The following PSPC1 variants were observed in gnomAD, a reference collection of about 807,000 sequenced individuals.
PSPC1 encodes paraspeckle component 1, also known as paraspeckle protein 1.
PSPC1 carries 14 observed loss-of-function variants against 51.6 expected under a neutral mutation model. That is an observed-to-expected ratio of 0.27 (90% CI 0.18 to 0.42). The LOEUF (loss-of-function observed/expected upper bound fraction) is 0.42, where lower values mean the gene tolerates loss of function less well. Ranked by LOEUF, PSPC1 falls within the 10% of genes least tolerant of loss-of-function variation. PSPC1 has a pLI of 1.00. For missense variants in PSPC1, 406 were observed against 701.1 expected (o/e 0.58, Z 4.75); for synonymous variants, 193 against 231.9 (o/e 0.83, Z 1.53).
intron 5 of PSPC1, among the ~76,000 whole-genome samples, chr13:19,733,696 G>GA (rs1236809037): frequency 6.6e-5 from 10 of 151,890 alleles, no homozygotes; most frequent in African/African-American, 2.4e-4. Context: ...CTGGGAGGCG[G>GA]AGGTTGCAGT....
At chr13:19,774,608 T>TC (rs1419466579) in intron 1 of PSPC1, among the ~76,000 whole-genome samples, 1 of 151,474 alleles carries the variant, frequency 6.6e-6, no homozygotes, top group Admixed American at 6.6e-5. Flanking sequence ...AAGACCGGCC[T>TC]CCTGGCCAAC....
At chr13:19,750,209 C>G (rs1484206019) in intron 4 of PSPC1, among the ~76,000 whole-genome samples, 1 of 152,118 alleles carries the variant, frequency 6.6e-6, no homozygotes, top group African/African-American at 2.4e-5. Context: ...AGGAATGCTA[C>G]TGCAGAAATT....
chr13:19,672,825 C>T (rs1028922584), downstream of PSPC1: 1 of 296,160 alleles, frequency 3.4e-6, no homozygotes, highest in Non-Finnish European at 6.7e-6. Flanking sequence ...TTTAGCAGAG[C>T]GTGGTGGCTC....
chr13:19,733,457 A>G (rs1196119173), intron 5 of PSPC1, among the ~76,000 whole-genome samples: 1 of 152,064 alleles, frequency 6.6e-6, no homozygotes, highest in African/African-American at 2.4e-5. Flanking sequence ...TCTCTCCACG[A>G]AAAATAGAAA....
At chr13:19,721,319 G>A (rs1039150747) in intron 6 of PSPC1, among the ~76,000 whole-genome samples, 13 of 152,062 alleles carry the variant, frequency 8.5e-5, no homozygotes, top group Non-Finnish European at 1.6e-4. Context: ...ACTAGACAAT[G>A]CACAAGATAT....
At chr13:19,750,941 G>A (rs555809675) in intron 4 of PSPC1, among the ~76,000 whole-genome samples, 246 of 152,024 alleles carry the variant, frequency 1.6e-3, no homozygotes, top group African/African-American at 5.5e-3. Flanking sequence ...GGCTAATTTT[G>A]TATTTTTAGT....
rs1886527962 is a variant in PSPC1, at chr13:19,751,277, T to G, written c.961A>C (p.Arg321=). The change falls in exon 4 of 9, where the codon AGG becomes CGG. Residue 321 remains arginine (R), a synonymous_variant. Coordinates refer to ENST00000338910, the MANE Select transcript of PSPC1 (RefSeq NM_001354909.2). Reference sequence around the variant, plus strand: ...CATGAAAATCCATATTTACCTTGCCTCATTAGCATTAATTGGTGTTCATGC... The same window carrying G: ...CATGAAAATCCATATTTACCTTGCCGCATTAGCATTAATTGGTGTTCATGC... The part of the protein sequence containing the change: ...ARHEHQLMLM[R]QDLMRRQEEL... 6.5e-7 allele frequency: 1 copy of G among 1,535,560 alleles called. No homozygotes were observed. The highest frequency in any genetic ancestry group is 8.7e-7 in the Non-Finnish European group (1 of 1,147,220).
At chr13:19,776,449 T>C (rs909125028) in intron 1 of PSPC1, among the ~76,000 whole-genome samples, 1 of 152,050 alleles carries the variant, frequency 6.6e-6, no homozygotes, top group African/African-American at 2.4e-5. Flanking sequence ...CTGGGCACTC[T>C]GTCTCAAGAG....
rs1197662619 is a variant in PSPC1 at position 19,782,235 on chromosome 13, C to CA, written c.372+150dup. 1 of 1,242,948 alleles carries CA rather than the reference C, an allele frequency of 8.0e-7. No homozygotes were observed. The highest frequency in any genetic ancestry group is 1.1e-6 in the Non-Finnish European group (1 of 949,008). The allele number at this position is 1,242,948 out of a possible 1,614,324, so 77.0% of individuals were successfully genotyped here. On this transcript the variant is annotated intron_variant, in intron 1 of 8. Transcript: ENST00000338910. This position sits in a 1 kb window ranked among gnomAD's most constrained non-coding sequence, Gnocchi z 4.5. Reference sequence around the variant, plus strand: ...AAAGGCGCCGAGCTGGGGAAGCGGCCAACCCCGCACAGAGGAATCGATGAG... The same window carrying CA: ...AAAGGCGCCGAGCTGGGGAAGCGGCCAAACCCCGCACAGAGGAATCGATGAG...
chr13:19,769,666 C>G (rs1001752124), intron 2 of PSPC1, among the ~76,000 whole-genome samples: 27 of 152,106 alleles, frequency 1.8e-4, no homozygotes, highest in Admixed American at 3.3e-4. Flanking sequence ...ACCCGGGAGG[C>G]AGACGTTGCA....
rs763745025 is a variant in PSPC1 at position 19,751,354 on chromosome 13, C to G, written c.884G>C (p.Arg295Thr). The change falls in exon 4 of 9, where the codon AGA becomes ACA. Residue 295 changes from arginine to threonine, a missense_variant. Around this residue, in one of 5 missense-constraint regions of PSPC1, gnomAD observed 180 missense variants for 337.9 expected, o/e 0.53. Transcript: ENST00000338910. ...TTTCTCTTTGGCTTCTCTGATGTTTCTATCAACCTGCTCACGCTGCTGCTT... is the reference window on the plus strand; with the variant it reads ...TTTCTCTTTGGCTTCTCTGATGTTTGTATCAACCTGCTCACGCTGCTGCTT... ...MEKQQREQVD[R>T]NIREAKEKLE... 2.5e-6 allele frequency: 4 copies of G among 1,590,202 alleles called. No homozygotes were observed. In the South Asian group the frequency reaches 3.5e-5, roughly 14 times the overall value.
intron 1 of PSPC1, among the ~76,000 whole-genome samples, chr13:19,780,819 T>G (rs1023860768): frequency 6.6e-6 from 1 of 151,908 alleles, no homozygotes; most frequent in South Asian, 2.1e-4. Flanking sequence ...AAAAAATAAA[T>G]TAAAAAGATT....
At chr13:19,703,916 G>A (rs1228745449) in intron 8 of PSPC1, among the ~76,000 whole-genome samples, 2 of 152,032 alleles carry the variant, frequency 1.3e-5, no homozygotes, top group Non-Finnish European at 2.9e-5. Context: ...GATTATCATG[G>A]GAAAATAGTT....
intron 6 of PSPC1, among the ~76,000 whole-genome samples, chr13:19,682,247 A>G (rs917413456): frequency 2.0e-5 from 3 of 152,224 alleles, no homozygotes; most frequent in African/African-American, 7.2e-5. Context: ...ATATTTTGTA[A>G]GAAGCAAAAA....
chr13:19,772,371 A>G lies in PSPC1; in HGVS notation c.545T>C (p.Val182Ala). ...LEQAFSQFGP[V>A]EKAVVVVDDR... ...ATCCACAACCACAACAGCTTTCTCTACTGGACCAAACTGAGAAAATGCTTG... is the reference window on the plus strand; with the variant it reads ...ATCCACAACCACAACAGCTTTCTCTGCTGGACCAAACTGAGAAAATGCTTG... The change falls in exon 2 of 9, where the codon GTA becomes GCA. Residue 182 changes from valine (V) to alanine (A), a missense_variant. By Grantham distance (64) the Val-to-Ala change is moderately conservative. Around this residue, in one of 5 missense-constraint regions of PSPC1, gnomAD observed 180 missense variants for 337.9 expected, o/e 0.53. Transcript: ENST00000338910. 1 of 1,614,218 alleles carries G rather than the reference A, an allele frequency of 6.2e-7. No homozygotes were observed. The highest frequency in any genetic ancestry group is 8.5e-7 in the Non-Finnish European group (1 of 1,180,042).
At chr13:19,779,755 A>G (rs1439136054) in intron 1 of PSPC1, among the ~76,000 whole-genome samples, 6 of 59,430 alleles carry the variant, frequency 1.0e-4, no homozygotes, top group African/African-American at 2.9e-4. Context: ...CCCTCCGCCC[A>G]GCCAGCCGGC....
intron 6 of PSPC1, among the ~76,000 whole-genome samples, chr13:19,690,939 T>C (rs1217492210): frequency 6.6e-6 from 1 of 152,190 alleles, no homozygotes; most frequent in Non-Finnish European, 1.5e-5. Flanking sequence ...TTTATGCACT[T>C]TCTTTTCCCA....
At chr13:19,751,635 A>C (rs1448074912) in intron 3 of PSPC1, among the ~76,000 whole-genome samples, 168 bp from the exon 4 acceptor site, 1 of 152,238 alleles carries the variant, frequency 6.6e-6, no homozygotes, top group Non-Finnish European at 1.5e-5. Flanking sequence ...GAACTGCCCA[A>C]GAATGTTCAA....
intron 2 of PSPC1, among the ~76,000 whole-genome samples, chr13:19,770,484 A>AC (rs1888524017): frequency 6.6e-6 from 1 of 151,852 alleles, no homozygotes; most frequent in South Asian, 2.1e-4. Flanking sequence ...ACATGGTGAA[A>AC]CCCCGTCTCT....
Sources: allele counts gnomAD v4.1 joint callset (sites outside exome capture counted in the v4.1 genomes callset), GRCh38; gene constraint gnomAD v4.1.1; regional missense constraint gnomAD v4.1.1; non-coding constraint Gnocchi (gnomAD v3.1); transcripts MANE v1.5; gene names NCBI Gene and HGNC (gene_info 2026-07-23, HGNC 2026-07-21).